KANSL2: variants seen among roughly 807,000 people sequenced by gnomAD.
KANSL2 encodes NSL complex protein NSL2.
KANSL2 carries 34 observed loss-of-function variants against 55.6 expected under a neutral mutation model. That is an observed-to-expected ratio of 0.61 (90% CI 0.46 to 0.81). The LOEUF (loss-of-function observed/expected upper bound fraction) is 0.81, where lower values mean the gene tolerates loss of function less well. Among genes scored for constraint, KANSL2 ranks in the 40% least tolerant of loss-of-function variants. The probability of loss-of-function intolerance (pLI) is 0.00; values close to 1 mark genes in which losing one functional copy is unlikely to be tolerated. For synonymous variants in KANSL2, 209 were observed against 214.3 expected (o/e 0.98, Z 0.22); for missense variants, 502 against 609.9 (o/e 0.82, Z 1.86).
intron 4 of KANSL2, among the ~76,000 whole-genome samples, chr12:48,676,423 G>A (rs1055504050): frequency 6.6e-6 from 1 of 152,088 alleles, no homozygotes; most frequent in Non-Finnish European, 1.5e-5. Flanking sequence ...CACTTTGGGA[G>A]GCTGACGGGC....
chr12:48,666,298 G>A (rs1278874713), intron 7 of KANSL2, among the ~76,000 whole-genome samples: 1 of 151,786 alleles, frequency 6.6e-6, no homozygotes, highest in Admixed American at 6.6e-5. Flanking sequence ...ATGACTGTAA[G>A]CCCAGCATTT....
At chr12:48,663,078 C>A (rs1305337678) in intron 7 of KANSL2, among the ~76,000 whole-genome samples, 1 of 152,156 alleles carries the variant, frequency 6.6e-6, no homozygotes, top group Non-Finnish European at 1.5e-5. Flanking sequence ...ATATTTAATG[C>A]CTGAAAATAT....
chr12:48,663,913 CTTTTTT>C (rs34879709), intron 7 of KANSL2, among the ~76,000 whole-genome samples: 3 of 112,548 alleles, frequency 2.7e-5, no homozygotes, highest in Non-Finnish European at 5.4e-5. Flanking sequence ...AACTATTAGC[CTTTTTT>C]TTTTTTTTTT....
At chr12:48,678,604 AT>A (rs940374543) in intron 4 of KANSL2, among the ~76,000 whole-genome samples, 1 of 152,220 alleles carries the variant, frequency 6.6e-6, no homozygotes, top group Non-Finnish European at 1.5e-5. Context: ...TTAAAACAAT[AT>A]ATAACTTTAA....
intron 8 of KANSL2, among the ~76,000 whole-genome samples, chr12:48,657,858 C>A (rs1297749025): frequency 6.6e-6 from 1 of 152,106 alleles, no homozygotes; most frequent in Admixed American, 6.5e-5. Flanking sequence ...CTCAGGTGAT[C>A]TACCCGTCTC....
rs1429796462 is a variant in KANSL2, at chr12:48,655,009, A to C, written c.1279T>G (p.Phe427Val). The part of the protein sequence containing the change: ...GMQCPPSPLL[F>V]DPSLTLEDHL... The stretch of plus-strand genomic sequence containing the variant: ...TCTTCAAGGGTTAGTGAAGGATCAA[A>C]AAGCAAAGGTGAAGGAGGACACTGC... Residue 427 changes from phenylalanine (F) to valine (V), a missense_variant, in exon 9 of 10, where the codon TTT (phenylalanine) becomes GTT (valine). By Grantham distance (50) the Phe-to-Val change is conservative. Coordinates refer to ENST00000420613, the MANE Select transcript of KANSL2 (RefSeq NM_017822.4). The C allele has an allele frequency of 6.3e-7, 1 of 1,587,932 alleles. No individual in the cohort carries two copies. The highest frequency in any genetic ancestry group is 1.2e-5 in the South Asian group (1 of 86,594).
chr12:48,680,850 C>T (rs1399900787), intron 2 of KANSL2, among the ~76,000 whole-genome samples: 4 of 151,894 alleles, frequency 2.6e-5, no homozygotes, highest in African/African-American at 4.8e-5. Flanking sequence ...TAGTGGCGCA[C>T]GCCTTAAGTC....
chr12:48,660,915 A>G (rs1363202681), intron 7 of KANSL2, among the ~76,000 whole-genome samples: 1 of 152,202 alleles, frequency 6.6e-6, no homozygotes, highest in Non-Finnish European at 1.5e-5. Context: ...AGCAAGTAGC[A>G]GTAACACTCC....
rs770164831 is a variant in KANSL2, at chr12:48,653,998, G to A, written c.*46C>T. On this transcript the variant is annotated 3_prime_UTR_variant, in exon 10 of 10. Coordinates refer to ENST00000420613, the MANE Select transcript of KANSL2 (RefSeq NM_017822.4). The stretch of plus-strand genomic sequence containing the variant: ...AGATGATCAGAAATACTTCTTTGAA[G>A]AACGAGAAATTTAAATCCACCAAAG... 2 of 1,522,134 alleles carry A rather than the reference G, an allele frequency of 1.3e-6. No homozygotes were observed. The highest frequency in any genetic ancestry group is 8.8e-7 in the Non-Finnish European group (1 of 1,135,232). 94.3% of individuals were successfully genotyped at this position (1,522,134 alleles called of 1,614,324 possible).
chr12:48,664,479 C>A (rs1177449170), intron 7 of KANSL2, among the ~76,000 whole-genome samples: 1 of 151,796 alleles, frequency 6.6e-6, no homozygotes, highest in Non-Finnish European at 1.5e-5. Flanking sequence ...GGGGTTTTGC[C>A]GTGTTAGCCA....
At chr12:48,662,599 CTCCAT>C (rs1486358629) in intron 7 of KANSL2, 1 of 1,287,254 alleles carries the variant, frequency 7.8e-7, no homozygotes, top group East Asian at 5.6e-5. Context: ...CGAGTGCTGT[CTCCAT>C]TAGACCACAG....
chr12:48,665,492 G>T (rs1267372121), intron 7 of KANSL2, among the ~76,000 whole-genome samples: 1 of 152,170 alleles, frequency 6.6e-6, no homozygotes, highest in Non-Finnish European at 1.5e-5. Flanking sequence ...GTACCCAGGG[G>T]AGTGGAGGAT....
chr12:48,654,251 G>A, intron 9 of KANSL2, 76 bp from the exon 10 acceptor site: 1 of 1,428,726 alleles, frequency 7.0e-7, no homozygotes, highest in Non-Finnish European at 9.7e-7. Context: ...ACTTATCAGT[G>A]GCCACTTAAA....
chr12:48,671,734 T>C, intron 5 of KANSL2, 65 bp downstream of exon 5: 2 of 1,484,658 alleles, frequency 1.3e-6, no homozygotes, highest in Non-Finnish European at 1.8e-6. Context: ...AAGTGACACA[T>C]GACTGTACTA....
intron 4 of KANSL2, among the ~76,000 whole-genome samples, chr12:48,672,326 T>C (rs1052512745): frequency 2.0e-5 from 3 of 149,780 alleles, no homozygotes; most frequent in African/African-American, 7.3e-5. Context: ...AGCTTTAAAG[T>C]GTTCAATTAA....
chr12:48,673,644 T>C (rs995482375), intron 4 of KANSL2, among the ~76,000 whole-genome samples: 1 of 151,726 alleles, frequency 6.6e-6, no homozygotes, highest in Non-Finnish European at 1.5e-5. Context: ...CTCTGATTTA[T>C]GCAATCAAAA....
In KANSL2 at chr12:48,671,878, C is replaced by T; in HGVS notation, c.630G>A (p.Gln210=). ...LIRLQSLYID[Q]FKRLQHLLKE... ...TGAGCAGATGCTGAAGTCGTTTAAA[C>T]TGATCAATATACAACGACTGCAAAC... The change falls in exon 5 of 10, where the codon CAG becomes CAA. Residue 210 remains glutamine, a synonymous_variant. Coordinates refer to ENST00000420613, the MANE Select transcript of KANSL2 (RefSeq NM_017822.4). The T allele has an allele frequency of 6.2e-7, 1 of 1,612,278 alleles. No homozygotes were observed.
rs900482282 is a variant in KANSL2 at position 48,656,563 on chromosome 12, C to T, written c.1228-1503G>A. On this transcript the variant is annotated intron_variant, in intron 8 of 9. Coordinates refer to ENST00000420613, the MANE Select transcript of KANSL2 (RefSeq NM_017822.4). ...CTGGGATTACAGGCATGAGCCACCA[C>T]GCCCGGCCAACTCCCTGGTTCTTAA... The T allele has an allele frequency of 2.2e-4, 80 of 362,580 alleles. 1 individual carries two copies. Among genetic ancestry groups the T allele is most frequent in the Non-Finnish European group, 3.9e-4 (73 of 186,372 alleles). 22.5% of individuals were successfully genotyped at this position (362,580 alleles called of 1,614,324 possible). A position where few individuals can be genotyped will look rare whatever the true frequency, so the allele number is the denominator to read the frequency against.
rs1340107422 is a variant in KANSL2, at chr12:48,653,437, A to T, written c.*607T>A. 6.5e-6 allele frequency: 1 copy of T among 152,684 alleles called. No homozygotes were observed. Among genetic ancestry groups the T allele is most frequent in the Non-Finnish European group, 1.5e-5 (1 of 68,046 alleles). 9.5% of individuals were successfully genotyped at this position (152,684 alleles called of 1,614,324 possible). On this transcript the variant is annotated 3_prime_UTR_variant, in exon 10 of 10. Coordinates refer to ENST00000420613, the MANE Select transcript of KANSL2 (RefSeq NM_017822.4). ...CAGGTGACTGTTTGATATTTTCATA[A>T]CATTTTCTTTAACATTTAATAGAAA...
Sources: allele counts gnomAD v4.1 joint callset (sites outside exome capture counted in the v4.1 genomes callset), GRCh38; gene constraint gnomAD v4.1.1; transcripts MANE v1.5; gene names NCBI Gene and HGNC (gene_info 2026-07-23, HGNC 2026-07-21).